Variants in TTC38 observed in about 807,000 individuals in gnomAD.
The protein encoded by TTC38 is tetratricopeptide repeat protein 38.
Under a neutral mutation model 64.2 loss-of-function variants are expected in TTC38, and 64 were observed. The observed-to-expected ratio is 1.00, with a 90% CI of 0.81 to 1.23. The LOEUF (loss-of-function observed/expected upper bound fraction) is 1.23. Ranked by LOEUF, TTC38 falls within the 50% of genes most tolerant of loss-of-function variation. TTC38 has a pLI of 0.00. For synonymous variants in TTC38, 254 were observed against 249.3 expected (o/e 1.02, Z -0.18); for missense variants, 573 against 615.5 (o/e 0.93, Z 0.73).
In TTC38 at chr22:46,275,968, G is replaced by C. The variant is rs528670435; in HGVS notation, c.539+547G>C. On this transcript the variant is annotated intron_variant, in intron 5 of 13. Transcript: ENST00000381031. This position sits in a 1 kb window ranked among gnomAD's most constrained non-coding sequence, Gnocchi z 4.5. The stretch of plus-strand genomic sequence containing the variant: ...AGAGACCAGGAAGTACAGTTCTACC[G>C]TGTGCTTGGGAAGAGAAGAAGGCCT... Among the ~76,000 whole-genome samples the C allele has an allele frequency of 3.9e-5, 6 of 151,988 alleles. No individual in the cohort carries two copies. Among genetic ancestry groups the C allele is most frequent in the African/African-American group, 1.2e-4 (5 of 41,542 alleles).
rs1037438924 is a variant in TTC38 at position 46,272,822 on chromosome 22, C to G, written c.193+406C>G. ...CCTGGAACATGAGAGGTGGCTGCTGCAGCCTCCGTCAGGGGACCAGTGAGG... is the reference window on the plus strand; with the variant it reads ...CCTGGAACATGAGAGGTGGCTGCTGGAGCCTCCGTCAGGGGACCAGTGAGG... On this transcript the variant is annotated intron_variant, in intron 3 of 13. Coordinates refer to ENST00000381031, the MANE Select transcript of TTC38 (RefSeq NM_017931.4). The surrounding 1 kb of genome is among the most constrained non-coding windows in gnomAD (Gnocchi z 6.4). Among the ~76,000 whole-genome samples the G allele has an allele frequency of 2.0e-5, 3 of 152,176 alleles. No homozygotes were observed. Among genetic ancestry groups the G allele is most frequent in the African/African-American group, 7.2e-5 (3 of 41,440 alleles).
Position 46,288,479 on chromosome 22 carries a change from C to T in TTC38, c.973C>T (p.Arg325Ter), listed in dbSNP as rs202139216. 41 of 1,614,014 alleles carry T rather than the reference C, an allele frequency of 2.5e-5. 1 individual carries two copies. The highest frequency in any genetic ancestry group is 2.5e-4 in the South Asian group (23 of 91,086). Residue 325 changes from arginine to a stop codon, truncating the protein, a stop_gained, in exon 11 of 14, where the codon CGA becomes TGA. Coordinates refer to ENST00000381031, the MANE Select transcript of TTC38 (RefSeq NM_017931.4). LOFTEE classifies it high-confidence loss of function. ...DVLPVARKHS[R>*]DHILLFNDAH... is the part of the protein sequence containing the mutation. ...CCTGCCTGTGGCCCGGAAGCACAGC[C>T]GAGACCACATCCTGCTGTTCAATGA...
chr22:46,270,727 C>T lies in TTC38; in HGVS notation c.112-1608C>T, dbSNP rs1249139912. On this transcript the variant is annotated intron_variant, in intron 2 of 13. Coordinates refer to ENST00000381031, the MANE Select transcript of TTC38 (RefSeq NM_017931.4). This position sits in a 1 kb window ranked among gnomAD's most constrained non-coding sequence, Gnocchi z 4.7. The stretch of plus-strand genomic sequence containing the variant: ...GCATGGGCCTGTAATCCCAGCTACT[C>T]GGGAGGCTGAGGCAGAGGAATTCTT... Among the ~76,000 whole-genome samples, 1 of 151,172 alleles carries T rather than the reference C, an allele frequency of 6.6e-6. No individual in the cohort carries two copies.
In TTC38 at chr22:46,281,606, C is replaced by G; in HGVS notation, c.623C>G (p.Ser208Cys). The change falls in exon 7 of 14, where the codon TCT becomes TGT. Residue 208 changes from serine to cysteine, a missense_variant. Around this residue, in one of 3 missense-constraint regions of TTC38, gnomAD observed 371 missense variants for 381.8 expected, o/e 0.97. Coordinates refer to ENST00000381031, the MANE Select transcript of TTC38 (RefSeq NM_017931.4). This position sits in a 1 kb window ranked among gnomAD's most constrained non-coding sequence, Gnocchi z 5.2. ...QAEKLAKEALSINPTDAWSVH... is the reference protein window; with the variant it reads ...QAEKLAKEALCINPTDAWSVH... Reference sequence around the variant, plus strand: ...TCCCCGCACCCTGCGTAGGCTTTATCTATTAACCCGACAGACGCATGGTCG... The same window carrying G: ...TCCCCGCACCCTGCGTAGGCTTTATGTATTAACCCGACAGACGCATGGTCG... 1.2e-6 allele frequency: 2 copies of G among 1,614,078 alleles called. No individual in the cohort carries two copies. Among genetic ancestry groups the G allele is most frequent in the East Asian group, 2.2e-5 (1 of 44,864 alleles).
At chr22:46,288,115 T>A (rs2077584416) in intron 10 of TTC38, among the ~76,000 whole-genome samples, 1 of 152,060 alleles carries the variant, frequency 6.6e-6, no homozygotes, top group South Asian at 2.1e-4. Flanking sequence ...CCAAGGGTTG[T>A]GTGGGAAGGC....
rs1205548741 is a variant in TTC38, at chr22:46,272,133, G to C, written c.112-202G>C. ...TGCCTACCAAGTGGCTGGGACTACA[G>C]GCATGCACCACCACGCCCCACTAAT... On this transcript the variant is annotated intron_variant, in intron 2 of 13. Transcript: ENST00000381031. The surrounding 1 kb of genome is among the most constrained non-coding windows in gnomAD (Gnocchi z 6.4). 2.0e-5 allele frequency among the ~76,000 whole-genome samples: 3 copies of C among 152,100 alleles called. No individual in the cohort carries two copies. The highest frequency in any genetic ancestry group is 2.9e-5 in the Non-Finnish European group (2 of 68,016).
At chr22:46,277,340 C>A (rs377098414) in intron 5 of TTC38, among the ~76,000 whole-genome samples, 3 of 152,134 alleles carry the variant, frequency 2.0e-5, no homozygotes, top group Non-Finnish European at 4.4e-5. Context: ...CGCAATGGCT[C>A]ATGCCTGGAA....
At chr22:46,284,794 G>T (rs561636049) in intron 8 of TTC38, among the ~76,000 whole-genome samples, 2 of 149,032 alleles carry the variant, frequency 1.3e-5, no homozygotes, top group African/African-American at 4.9e-5. Flanking sequence ...GCTTGAACCT[G>T]GGACGCGGAG....
In TTC38 at chr22:46,288,608, CG is replaced by C; in HGVS notation, c.1082+24del. On this transcript the variant is annotated intron_variant, in intron 11 of 13. Transcript: ENST00000381031. ...CAGCGAGTATGCAGAGGGGCCTTCT[CG>C]GGGTGGGGGTCCTCACCCTGCCGAG... is the stretch of plus-strand genomic sequence containing the variant. 2 of 1,610,764 alleles carry C rather than the reference CG, an allele frequency of 1.2e-6. No homozygotes were observed.
In TTC38 at chr22:46,275,473, TGCCCTAAAAATATG is replaced by T. The variant is rs1304101454; in HGVS notation, c.539+54_539+67del. ...TTTCTGTTTCTTAATCTCTCTTTTCTGCCCTAAAAATATGGTGACTCTCTTGGCCCTGTCCTAAA... is the reference window on the plus strand; with the variant it reads ...TTTCTGTTTCTTAATCTCTCTTTTCTGTGACTCTCTTGGCCCTGTCCTAAA... On this transcript the variant is annotated intron_variant, in intron 5 of 13. Coordinates refer to ENST00000381031, the MANE Select transcript of TTC38 (RefSeq NM_017931.4). This position sits in a 1 kb window ranked among gnomAD's most constrained non-coding sequence, Gnocchi z 4.5. The T allele has an allele frequency of 6.4e-7, 1 of 1,554,548 alleles. No homozygotes were observed. Among genetic ancestry groups the T allele is most frequent in the Non-Finnish European group, 8.7e-7 (1 of 1,143,420 alleles).
Position 46,281,499 on chromosome 22 carries a change from A to G in TTC38, c.616-100A>G. ...CCCCCCCACTTGCTCCACCCCGTTC[A>G]GCCCAGGCCCCTCTTGCCCCTTAGA... On this transcript the variant is annotated intron_variant, in intron 6 of 13. Transcript: ENST00000381031. This position sits in a 1 kb window ranked among gnomAD's most constrained non-coding sequence, Gnocchi z 5.2. 7.5e-7 allele frequency: 1 copy of G among 1,338,514 alleles called. No homozygotes were observed. The highest frequency in any genetic ancestry group is 1.0e-6 in the Non-Finnish European group (1 of 982,910). 82.9% of individuals were successfully genotyped at this position (1,338,514 alleles called of 1,614,324 possible).
intron 8 of TTC38, among the ~76,000 whole-genome samples, chr22:46,284,329 C>G (rs1251167960): frequency 6.6e-6 from 1 of 152,200 alleles, no homozygotes. Flanking sequence ...ATGAGATCTT[C>G]CAACGGGAGC....
rs1216405034 is a variant in TTC38, at chr22:46,276,356, T to G, written c.539+935T>G. The stretch of plus-strand genomic sequence containing the variant: ...ACTGATTGGATGAGGCCCACCCACA[T>G]GGAGGGTAATCTGCTTTACTCAAAT... On this transcript the variant is annotated intron_variant, in intron 5 of 13. Transcript: ENST00000381031. This position sits in a 1 kb window ranked among gnomAD's most constrained non-coding sequence, Gnocchi z 4.7. 6.6e-6 allele frequency among the ~76,000 whole-genome samples: 1 copy of G among 152,100 alleles called. No individual in the cohort carries two copies. Among genetic ancestry groups the G allele is most frequent in the Non-Finnish European group, 1.5e-5 (1 of 68,024 alleles).
intron 11 of TTC38, 142 bp downstream of exon 11, chr22:46,288,730 G>C: frequency 1.3e-6 from 1 of 791,590 alleles, no homozygotes; most frequent in East Asian, 2.6e-5. Context: ...CAGCTCCCAG[G>C]TGTGCACCCC....
chr22:46,275,486 T>C lies in TTC38; in HGVS notation c.539+65T>C, dbSNP rs1936989530. On this transcript the variant is annotated intron_variant, in intron 5 of 13. Transcript: ENST00000381031. The surrounding 1 kb of genome is among the most constrained non-coding windows in gnomAD (Gnocchi z 4.5). ...ATCTCTCTTTTCTGCCCTAAAAATATGGTGACTCTCTTGGCCCTGTCCTAA... is the reference window on the plus strand; with the variant it reads ...ATCTCTCTTTTCTGCCCTAAAAATACGGTGACTCTCTTGGCCCTGTCCTAA... The C allele has an allele frequency of 1.3e-6, 2 of 1,504,568 alleles. No individual in the cohort carries two copies. The highest frequency in any genetic ancestry group is 2.5e-5 in the South Asian group (2 of 80,788). The allele number at this position is 1,504,568 out of a possible 1,614,324, so 93.2% of individuals were successfully genotyped here. A position where few individuals can be genotyped will look rare whatever the true frequency, so the allele number is the denominator to read the frequency against.
At position 46,273,592 on chromosome 22, in the gene TTC38, T is replaced by C. The variant is rs1299032380; in HGVS notation, c.194-306T>C. On this transcript the variant is annotated intron_variant, in intron 3 of 13. Transcript: ENST00000381031. This position sits in a 1 kb window ranked among gnomAD's most constrained non-coding sequence, Gnocchi z 5.1. ...TGGCTGTGGCGGTAGTGTCAGCTGA[T>C]GAGCCTGCAGGCAGCCTCTAAGTGG... 1.3e-5 allele frequency among the ~76,000 whole-genome samples: 2 copies of C among 152,256 alleles called. No individual in the cohort carries two copies. The highest frequency in any genetic ancestry group is 4.8e-5 in the African/African-American group (2 of 41,476).
Position 46,292,852 on chromosome 22 carries a change from C to G in TTC38, c.1378C>G (p.Arg460Gly). 6.2e-7 allele frequency: 1 copy of G among 1,613,932 alleles called. No individual in the cohort carries two copies. Among genetic ancestry groups the G allele is most frequent in the Non-Finnish European group, 8.5e-7 (1 of 1,179,888 alleles). Residue 460 changes from arginine to glycine, a missense_variant, in exon 14 of 14, where the codon CGC (arginine) becomes GGC (glycine). Coordinates refer to ENST00000381031, the MANE Select transcript of TTC38 (RefSeq NM_017931.4). The surrounding 1 kb of genome is among the most constrained non-coding windows in gnomAD (Gnocchi z 6.5). ...CTCGCCCCTGACCGAGCGGCTCATC[C>G]GCAAGGCAGCTACCGTCCACCTCAT... ...PNSPLTERLI[R>G]KAATVHLMQ
chr22:46,274,143 G>A lies in TTC38; in HGVS notation c.365+74G>A. The A allele has an allele frequency of 7.7e-7, 1 of 1,299,428 alleles. No homozygotes were observed. The highest frequency in any genetic ancestry group is 1.2e-5 in the South Asian group (1 of 80,642). The allele number at this position is 1,299,428 out of a possible 1,614,324, so 80.5% of individuals were successfully genotyped here. ...GGGAGTGGCAGGGTATCCCTTTCCT[G>A]ATGCCCTTGGGACGGGGGCGGGGTG... On this transcript the variant is annotated intron_variant, in intron 4 of 13. Transcript: ENST00000381031. This position sits in a 1 kb window ranked among gnomAD's most constrained non-coding sequence, Gnocchi z 4.8.
chr22:46,278,438 C>T (rs117727023), intron 5 of TTC38, 148 bp from the exon 6 acceptor site: 36 of 675,962 alleles, frequency 5.3e-5, no homozygotes, highest in Non-Finnish European at 8.2e-5. Flanking sequence ...CTCCTCTAAA[C>T]TTATTACCTC....
Sources: allele counts gnomAD v4.1 joint callset (sites outside exome capture counted in the v4.1 genomes callset), GRCh38; gene constraint gnomAD v4.1.1; regional missense constraint gnomAD v4.1.1; non-coding constraint Gnocchi (gnomAD v3.1); transcripts MANE v1.5; gene names NCBI Gene and HGNC (gene_info 2026-07-23, HGNC 2026-07-21).